Variants in SPATA1 observed in about 807,000 individuals in gnomAD.
The protein encoded by SPATA1 is spermatogenesis-associated protein 1.
A neutral mutation model predicts 59.6 loss-of-function variants in SPATA1; 57 were observed. That is an observed-to-expected ratio of 0.96 (90% confidence interval 0.77 to 1.19). SPATA1 has a LOEUF of 1.19. Among genes scored for constraint, SPATA1 ranks in the 50% most tolerant of loss-of-function variants. The pLI, the probability that SPATA1 is intolerant of heterozygous loss-of-function variation, is 0.00. For missense variants in SPATA1, 448 were observed against 480.7 expected, an observed-to-expected ratio of 0.93 and a Z score of 0.64; for synonymous variants, 147 against 163.9, an observed-to-expected ratio of 0.90 and a Z score of 0.79.
chr1:84,565,946 C>T (rs767435683), exon 5 of SPATA1: 8 of 1,600,210 alleles, frequency 5.0e-6, no homozygotes, highest in Admixed American at 1.7e-5. Flanking sequence ...CAAGCATCTG[C>T]GATTCCAGTA....
chr1:84,545,226 T>A (rs1453764931), intron 9 of SPATA1, among the ~76,000 whole-genome samples: 1 of 148,346 alleles, frequency 6.7e-6, no homozygotes, highest in African/African-American at 2.5e-5. Flanking sequence ...CAAAAAAATA[T>A]ATATATATTT....
downstream of SPATA1, among the ~76,000 whole-genome samples, chr1:84,558,880 G>T (rs1341840676): frequency 1.3e-5 from 2 of 152,076 alleles, no homozygotes; most frequent in East Asian, 3.9e-4. Context: ...CATCCTGGGT[G>T]ACAGAGCAAA....
chr1:84,556,554 AC>A (rs1684435928), downstream of SPATA1, among the ~76,000 whole-genome samples: 1 of 148,860 alleles, frequency 6.7e-6, no homozygotes, highest in Non-Finnish European at 1.5e-5. Context: ...TTACTAAAAT[AC>A]AAAAAAATTA....
intron 1 of SPATA1, among the ~76,000 whole-genome samples, chr1:84,513,130 G>C (rs1558568110): frequency 6.6e-6 from 1 of 152,060 alleles, no homozygotes; most frequent in Admixed American, 6.6e-5. Flanking sequence ...GTTTTGTTTT[G>C]TTTTTTGTTA....
At chr1:84,558,972 C>T (rs566585290), downstream of SPATA1, among the ~76,000 whole-genome samples, 1 of 152,212 alleles carries the variant, frequency 6.6e-6, no homozygotes, top group African/African-American at 2.4e-5. Flanking sequence ...TTACTAAGGT[C>T]AGGATTACAA....
chr1:84,509,571 C>T (rs1682445571), intron 1 of SPATA1, among the ~76,000 whole-genome samples: 1 of 152,118 alleles, frequency 6.6e-6, no homozygotes. Context: ...TCAGGCCAGC[C>T]TGGCCAACAT....
chr1:84,550,650 G>A (rs1411088442), intron 12 of SPATA1, 120 bp downstream of exon 12: 2 of 1,264,372 alleles, frequency 1.6e-6, no homozygotes, highest in Non-Finnish European at 2.0e-6. Context: ...TATTAAAATT[G>A]TTACCTTAAC....
At chr1:84,529,929 T>C (rs921406536) in intron 6 of SPATA1, among the ~76,000 whole-genome samples, 1 of 151,080 alleles carries the variant, frequency 6.6e-6, no homozygotes, top group East Asian at 2.0e-4. Flanking sequence ...CAATCTCGCC[T>C]CACTGCAACT....
At chr1:84,532,893 T>A in exon 7 of SPATA1, 1 of 1,551,970 alleles carries the variant, frequency 6.4e-7, no homozygotes. Flanking sequence ...AAAAGCCAAA[T>A]TGCAAAAAAT....
At chr1:84,545,828 A>G (rs1684067605) in intron 10 of SPATA1, 69 bp downstream of exon 10, 1 of 1,101,592 alleles carries the variant, frequency 9.1e-7, no homozygotes, top group Non-Finnish European at 1.2e-6. Context: ...ATCCTTTTAG[A>G]ATAAATAATA....
intron 4 of SPATA1, chr1:84,563,587 C>A: frequency 3.2e-6 from 2 of 634,432 alleles, no homozygotes; most frequent in Non-Finnish European, 4.8e-6. Flanking sequence ...GTATGATAAT[C>A]ATAAGCTTTC....
intron 1 of SPATA1, among the ~76,000 whole-genome samples, chr1:84,512,201 TTC>T (rs1396963545): frequency 1.3e-5 from 2 of 152,258 alleles, no homozygotes; most frequent in African/African-American, 4.8e-5. Flanking sequence ...GTTAACTGTA[TTC>T]TGATTTTTTT....
At chr1:84,546,936 C>T (rs1175809592) in intron 10 of SPATA1, among the ~76,000 whole-genome samples, 2 of 151,868 alleles carry the variant, frequency 1.3e-5, no homozygotes, top group African/African-American at 4.8e-5. Context: ...ATGATGGTGG[C>T]TTGAGAGTTG....
Position 84,553,069 on chromosome 1 carries a change from T to TCA in SPATA1, c.1259_1260insCA (p.Leu420PhefsTer12). 1 of 1,531,480 alleles carries TCA rather than the reference T, an allele frequency of 6.5e-7. No individual in the cohort carries two copies. The highest frequency in any genetic ancestry group is 8.8e-7 in the Non-Finnish European group (1 of 1,140,414). The allele number at this position is 1,531,480 out of a possible 1,614,324, so 94.9% of individuals were successfully genotyped here. On this transcript the variant is annotated frameshift_variant, in exon 13 of 13. Transcript: ENST00000490879. LOFTEE classifies it low-confidence loss of function (END_TRUNC). ...CAAGCAGTTTCAGATTTACGAACAT[T>TCA]GAAAACTGAACTGGCACAGAAAAAA... is the stretch of plus-strand genomic sequence containing the variant.
exon 4 of SPATA1, chr1:84,522,460 G>A: frequency 1.3e-6 from 2 of 1,544,840 alleles, no homozygotes; most frequent in Non-Finnish European, 1.8e-6. Context: ...AGATGCTATT[G>A]CAGAAAAATT....
At chr1:84,530,309 T>G (rs1190303844) in intron 6 of SPATA1, among the ~76,000 whole-genome samples, 6 of 152,206 alleles carry the variant, frequency 3.9e-5, no homozygotes, top group African/African-American at 1.2e-4. Context: ...AATGAAGCTT[T>G]CAGGATTTAC....
intron 11 of SPATA1, 36 bp from the exon 12 acceptor site, chr1:84,550,396 A>G: frequency 9.1e-7 from 1 of 1,104,854 alleles, no homozygotes. Flanking sequence ...AAATGTTTAT[A>G]TGTTATACTA....
At chr1:84,558,502 G>A (rs1027772200), downstream of SPATA1, among the ~76,000 whole-genome samples, 1 of 150,784 alleles carries the variant, frequency 6.6e-6, no homozygotes, top group Non-Finnish European at 1.5e-5. Context: ...CGTTTTAGCC[G>A]GGATGGTCTC....
At chr1:84,551,437 G>T (rs150680489) in intron 12 of SPATA1, 66 of 363,152 alleles carry the variant, frequency 1.8e-4, no homozygotes, top group African/African-American at 1.4e-3. Flanking sequence ...TGTGATGATA[G>T]AAATGTTCTA....
Sources: allele counts gnomAD v4.1 joint callset (sites outside exome capture counted in the v4.1 genomes callset), GRCh38; gene constraint gnomAD v4.1.1; transcripts MANE v1.5; gene names NCBI Gene and HGNC (gene_info 2026-07-23, HGNC 2026-07-21).